ARHGEF3: variants seen among roughly 807,000 people sequenced by gnomAD.
ARHGEF3 encodes 59.8 kDA protein.
ARHGEF3 carries 28 observed loss-of-function variants against 63.2 expected under a neutral mutation model. That is an observed-to-expected ratio of 0.44 (90% confidence interval 0.33 to 0.61). The LOEUF (loss-of-function observed/expected upper bound fraction) is 0.61. ARHGEF3 is among the 20% of genes least tolerant of loss of function. The pLI is 0.03. For missense variants in ARHGEF3, 533 were observed against 659.3 expected (o/e 0.81, Z 2.10); for synonymous variants, 266 against 254.2 (o/e 1.05, Z -0.44).
rs1431005631 is a variant in ARHGEF3, at chr3:56,897,580, G to C, written c.130-15226C>G. 2.8e-5 allele frequency among the ~76,000 whole-genome samples: 3 copies of C among 106,440 alleles called. No homozygotes were observed. The South Asian group carries it at 8.5e-4, about 30-fold the overall frequency. 69.8% of individuals were successfully genotyped at this position (106,440 alleles called of 152,430 possible). On this transcript the variant is annotated intron_variant, in intron 3 of 12. Transcript: ENST00000338458. ...CTATATGTATCTTTTTTTTTTTTTTGAGATGGAGTCTCCCTCTGTCACCAG... is the reference window on the plus strand; with the variant it reads ...CTATATGTATCTTTTTTTTTTTTTTCAGATGGAGTCTCCCTCTGTCACCAG...
chr3:56,947,613 T>C lies in ARHGEF3; in HGVS notation c.129+11210A>G, dbSNP rs13081012. On this transcript the variant is annotated intron_variant, in intron 3 of 12. Coordinates refer to the ARHGEF3 transcript ENST00000338458. ...TATATATGCACCCAATACAGGAGCA[T>C]CCAGATTCATAAAGCAAGTCCTTAG... 5.3e-5 allele frequency among the ~76,000 whole-genome samples: 8 copies of C among 152,126 alleles called. No homozygotes were observed. The East Asian group carries it at 7.7e-4, about 15-fold the overall frequency.
rs2039390271 is a variant in ARHGEF3, at chr3:56,843,671, T to G, written c.192+38621A>C. Among the ~76,000 whole-genome samples the G allele has an allele frequency of 2.0e-5, 3 of 152,236 alleles. No homozygotes were observed. The South Asian group carries it at 6.2e-4, about 31-fold the overall frequency. ...TTCTTTTTCTTAATGCTGCGTTATA[T>G]TCCATGTATTCCATAGTGTAGATGT... is the stretch of plus-strand genomic sequence containing the variant. On this transcript the variant is annotated intron_variant, in intron 4 of 12. Transcript: ENST00000338458.
chr3:57,068,010 A>C (rs975840463), intron 1 of ARHGEF3, among the ~76,000 whole-genome samples: 1 of 151,822 alleles, frequency 6.6e-6, no homozygotes, highest in African/African-American at 2.4e-5. Flanking sequence ...AAAACAAACA[A>C]ACAACAACAA....
chr3:56,821,284 G>A (rs983707342), intron 4 of ARHGEF3, among the ~76,000 whole-genome samples: 1 of 152,228 alleles, frequency 6.6e-6, no homozygotes, highest in African/African-American at 2.4e-5. Flanking sequence ...ACAGTGTAGT[G>A]AGACTGGGAA....
chr3:56,780,018 A>T (rs1396876408), intron 1 of ARHGEF3, among the ~76,000 whole-genome samples: 1 of 152,228 alleles, frequency 6.6e-6, no homozygotes, highest in Non-Finnish European at 1.5e-5. Context: ...TGAGAAAGCT[A>T]GTATCATTAT....
intron 1 of ARHGEF3, among the ~76,000 whole-genome samples, chr3:57,046,549 A>G (rs537073860): frequency 2.0e-4 from 31 of 152,324 alleles, no homozygotes; most frequent in African/African-American, 7.0e-4. Flanking sequence ...TAGTGGGAAA[A>G]TCCTGCAGAG....
chr3:56,965,463 G>A lies in ARHGEF3; in HGVS notation c.63-6574C>T, dbSNP rs531296804. 7.6e-4 allele frequency among the ~76,000 whole-genome samples: 116 copies of A among 151,918 alleles called. 1 individual carries two copies. Among genetic ancestry groups the A allele is most frequent in the African/African-American group, 2.5e-3 (105 of 41,450 alleles). ...GACAGTTTAACTAATGGATTCTACC[G>A]AACTTTCCAAAGAAAAAACAAAAAC... On this transcript the variant is annotated intron_variant, in intron 2 of 12. Transcript: ENST00000338458.
chr3:56,993,890 C>T (rs948151608), intron 2 of ARHGEF3, among the ~76,000 whole-genome samples: 13 of 150,142 alleles, frequency 8.7e-5, no homozygotes, highest in Non-Finnish European at 3.0e-5. Context: ...TGGTGAAAAC[C>T]CGTCTCTACT....
At chr3:56,784,163 A>T (rs2036687350) in intron 1 of ARHGEF3, among the ~76,000 whole-genome samples, 1 of 152,220 alleles carries the variant, frequency 6.6e-6, no homozygotes, top group Non-Finnish European at 1.5e-5. Context: ...AAAGGGCCAG[A>T]TGCTCAGAGC....
At chr3:57,074,205 G>A (rs774358420) in intron 1 of ARHGEF3, 2 of 1,613,992 alleles carry the variant, frequency 1.2e-6, no homozygotes, top group Non-Finnish European at 1.7e-6. Context: ...ATTTACTGAG[G>A]GCTGCTTTGT....
chr3:57,003,401 C>CAAAAAAAAA (rs60214570), intron 2 of ARHGEF3, among the ~76,000 whole-genome samples: 679 of 43,672 alleles, frequency 0.016, 43 homozygotes, highest in African/African-American at 0.039. Context: ...GACGCCGTCT[C>CAAAAAAAAA]AAAAAAAAAA....
At chr3:57,013,280 C>A (rs1341752483) in intron 2 of ARHGEF3, among the ~76,000 whole-genome samples, 3 of 152,226 alleles carry the variant, frequency 2.0e-5, no homozygotes, top group Non-Finnish European at 4.4e-5. Context: ...GTAGGCAGCT[C>A]AGCCCCCGGC....
intron 2 of ARHGEF3, among the ~76,000 whole-genome samples, chr3:56,979,107 T>C (rs1701229626): frequency 6.6e-6 from 1 of 152,154 alleles, no homozygotes; most frequent in African/African-American, 2.4e-5. Context: ...TGAACTATGA[T>C]TGCACCATTG....
chr3:56,877,496 C>A (rs2040625495), intron 4 of ARHGEF3, among the ~76,000 whole-genome samples: 1 of 151,656 alleles, frequency 6.6e-6, no homozygotes, highest in African/African-American at 2.4e-5. Flanking sequence ...TTCAGCTTCC[C>A]AAGTAGCGGC....
intron 3 of ARHGEF3, among the ~76,000 whole-genome samples, chr3:56,943,262 TG>T (rs1699278437): frequency 6.6e-6 from 1 of 152,208 alleles, no homozygotes; most frequent in Non-Finnish European, 1.5e-5. Flanking sequence ...AGGCAGTTGG[TG>T]ACTTTAAGTT....
chr3:57,063,376 G>T (rs1162596345), intron 1 of ARHGEF3, among the ~76,000 whole-genome samples: 2 of 152,168 alleles, frequency 1.3e-5, no homozygotes, highest in African/African-American at 4.8e-5. Context: ...CCTTCAGAAG[G>T]TTCCCTCTGA....
intron 3 of ARHGEF3, among the ~76,000 whole-genome samples, chr3:56,911,407 C>T (rs1192203010): frequency 2.0e-5 from 3 of 152,132 alleles, no homozygotes; most frequent in South Asian, 2.1e-4. Flanking sequence ...CACACAGGAG[C>T]TGCTTCCCAA....
upstream of ARHGEF3, among the ~76,000 whole-genome samples, chr3:56,802,379 T>C (rs1479010915): frequency 2.6e-5 from 4 of 152,172 alleles, no homozygotes; most frequent in Non-Finnish European, 4.4e-5. Context: ...TGGTGTTCTC[T>C]CTTACCCTGT....
chr3:56,773,964 A>T (rs1428457891), intron 1 of ARHGEF3, 148 bp from the exon 2 acceptor site: 2 of 643,094 alleles, frequency 3.1e-6, no homozygotes, highest in East Asian at 7.3e-5. Context: ...CTCTGGCTGT[A>T]TGGAGATGAC....
Sources: gnomAD v4.1 joint callset for allele counts (sites outside exome capture counted in the v4.1 genomes callset) on GRCh38, gnomAD v4.1.1 for gene constraint, MANE v1.5 for transcripts, NCBI Gene and HGNC (gene_info 2026-07-23, HGNC 2026-07-21) for gene names.